ENOPH1: variants seen among roughly 807,000 people sequenced by gnomAD.
ENOPH1 encodes enolase-phosphatase 1.
ENOPH1 carries 14 observed loss-of-function variants against 31.1 expected under a neutral mutation model. The ratio of observed to expected loss-of-function variants is 0.45; its 90% CI spans 0.30 to 0.70. The LOEUF (loss-of-function observed/expected upper bound fraction) is 0.70. ENOPH1 is among the 30% of genes least tolerant of loss of function. The probability of loss-of-function intolerance (pLI) is 0.09; values close to 1 mark genes in which losing one functional copy is unlikely to be tolerated. For synonymous variants in ENOPH1, 127 were observed against 123.2 expected (o/e 1.03, Z -0.21); for missense variants, 243 against 321.5 (o/e 0.76, Z 1.87).
intron 1 of ENOPH1, among the ~76,000 whole-genome samples, chr4:82,436,283 T>C (rs767665570): frequency 1.3e-5 from 2 of 152,204 alleles, no homozygotes; most frequent in Non-Finnish European, 2.9e-5. Flanking sequence ...CTTAGGGCAG[T>C]GTTTCCCAGC....
intron 1 of ENOPH1, among the ~76,000 whole-genome samples, chr4:82,446,689 C>CTTT (rs1175624219): frequency 7.1e-4 from 48 of 67,506 alleles, no homozygotes; most frequent in Non-Finnish European, 1.2e-3. Context: ...GTGACGGAAT[C>CTTT]TTTTTTTTTT....
chr4:82,439,804 G>A (rs1560463574), intron 1 of ENOPH1, among the ~76,000 whole-genome samples: 1 of 152,156 alleles, frequency 6.6e-6, no homozygotes. Context: ...GAGCTGATGG[G>A]ATTTGCTGAT....
intron 1 of ENOPH1, among the ~76,000 whole-genome samples, chr4:82,440,696 A>G (rs927447515): frequency 6.6e-6 from 1 of 152,212 alleles, no homozygotes; most frequent in African/African-American, 2.4e-5. Context: ...TCTTGTACTG[A>G]TAACAATCCC....
chr4:82,431,302 C>T (rs115894273), intron 1 of ENOPH1, among the ~76,000 whole-genome samples: 1,736 of 152,250 alleles, frequency 0.011, 30 homozygotes, highest in African/African-American at 0.039. Context: ...GTGGCAGCGG[C>T]AGCGATTTAA....
chr4:82,461,108 T>G lies in ENOPH1; in HGVS notation c.*988T>G, dbSNP rs1274915056. 6.6e-6 allele frequency: 1 copy of G among 152,228 alleles called. No individual in the cohort carries two copies. The highest frequency in any genetic ancestry group is 1.5e-5 in the Non-Finnish European group (1 of 68,036). The allele number at this position is 152,228 out of a possible 1,614,324, so 9.4% of individuals were successfully genotyped here. On this transcript the variant is annotated 3_prime_UTR_variant, in exon 6 of 6. Transcript: ENST00000273920. ...CTTCACTCAGTTTTATATAGGTTCC[T>G]GAACTCTATCCACATGCCGCCATAG...
chr4:82,454,596 TCAGG>T, intron 3 of ENOPH1, 122 bp from the exon 4 acceptor site: 1 of 1,031,012 alleles, frequency 9.7e-7, no homozygotes, highest in Non-Finnish European at 1.4e-6. Flanking sequence ...GTTTGTAGTC[TCAGG>T]GAGCTGCTTC....
intron 1 of ENOPH1, among the ~76,000 whole-genome samples, chr4:82,444,155 G>A (rs1029755339): frequency 3.9e-5 from 6 of 152,132 alleles, no homozygotes; most frequent in East Asian, 1.9e-4. Flanking sequence ...GATTACAGGC[G>A]TGGGCCACGG....
Position 82,442,998 on chromosome 4 carries a change from G to C in ENOPH1, c.85-4922G>C, listed in dbSNP as rs7656508. ...AAGTTTTTGTTTTTAGTAGAGAGGG[G>C]GTTTCACCATGTTGGCCAGGCTGAT... On this transcript the variant is annotated intron_variant, in intron 1 of 5. Coordinates refer to ENST00000273920, the MANE Select transcript of ENOPH1 (RefSeq NM_021204.5). 2.6e-5 allele frequency among the ~76,000 whole-genome samples: 4 copies of C among 152,026 alleles called. No homozygotes were observed. In the East Asian group the frequency reaches 7.8e-4, roughly 30 times the overall value.
chr4:82,432,121 G>T (rs1429114850), intron 1 of ENOPH1, among the ~76,000 whole-genome samples: 2 of 152,086 alleles, frequency 1.3e-5, no homozygotes, highest in Non-Finnish European at 2.9e-5. Flanking sequence ...TCGCCATATT[G>T]CCCAGGCTAG....
intron 2 of ENOPH1, 74 bp downstream of exon 2, chr4:82,448,095 A>G: frequency 3.9e-6 from 4 of 1,030,966 alleles, no homozygotes; most frequent in Middle Eastern, 4.2e-4. Flanking sequence ...ACATGCTCTG[A>G]GCATTTTGTA....
At chr4:82,451,696 T>C (rs1722356863) in intron 3 of ENOPH1, among the ~76,000 whole-genome samples, 1 of 152,230 alleles carries the variant, frequency 6.6e-6, no homozygotes, top group South Asian at 2.1e-4. Context: ...CTTTGCTCTT[T>C]TGAGCAACTT....
At chr4:82,438,261 G>T (rs1721958569) in intron 1 of ENOPH1, among the ~76,000 whole-genome samples, 1 of 152,178 alleles carries the variant, frequency 6.6e-6, no homozygotes, top group African/African-American at 2.4e-5. Context: ...CTGCCATCCA[G>T]AGGTGACCAT....
At chr4:82,456,858 C>A in intron 4 of ENOPH1, 57 bp from the exon 5 acceptor site, 1 of 1,590,966 alleles carries the variant, frequency 6.3e-7, no homozygotes, top group Non-Finnish European at 8.6e-7. Context: ...CAGAGAAAGG[C>A]ATGAGGGGCA....
chr4:82,435,653 A>T (rs1033642091), intron 1 of ENOPH1, among the ~76,000 whole-genome samples: 1 of 152,208 alleles, frequency 6.6e-6, no homozygotes, highest in East Asian at 1.9e-4. Flanking sequence ...ACTTTGGTTA[A>T]ACATCCATTT....
At chr4:82,436,578 T>G (rs1236833942) in intron 1 of ENOPH1, among the ~76,000 whole-genome samples, 1 of 151,232 alleles carries the variant, frequency 6.6e-6, no homozygotes, top group African/African-American at 2.4e-5. Context: ...TCCCAGCTAC[T>G]CAGGAGGCTG....
In ENOPH1 at chr4:82,430,902, G is replaced by A; in HGVS notation, c.73G>A (p.Ala25Thr). 1 of 1,614,150 alleles carries A rather than the reference G, an allele frequency of 6.2e-7. No homozygotes were observed. Among genetic ancestry groups the A allele is most frequent in the East Asian group, 2.2e-5 (1 of 44,886 alleles). Residue 25 changes from alanine to threonine, a missense_variant, in exon 1 of 6, where the codon GCT (alanine) becomes ACT (threonine). Ala to Thr is a moderately conservative substitution (Grantham distance 58). Coordinates refer to ENST00000273920, the MANE Select transcript of ENOPH1 (RefSeq NM_021204.5). ...LDIEGTTTPIAFVKDILFPYI... is the reference protein window; with the variant it reads ...LDIEGTTTPITFVKDILFPYI... ...TATCGAAGGTACCACAACCCCGATTGCTTTCGTGAAGGTGAGGGGCGGAAG... is the reference window on the plus strand; with the variant it reads ...TATCGAAGGTACCACAACCCCGATTACTTTCGTGAAGGTGAGGGGCGGAAG...
At chr4:82,444,704 G>A (rs957112718) in intron 1 of ENOPH1, among the ~76,000 whole-genome samples, 1 of 152,138 alleles carries the variant, frequency 6.6e-6, no homozygotes, top group Non-Finnish European at 1.5e-5. Context: ...AGTATCCTCT[G>A]TAACATCTAA....
At chr4:82,432,916 C>A (rs921085538) in intron 1 of ENOPH1, among the ~76,000 whole-genome samples, 7 of 152,224 alleles carry the variant, frequency 4.6e-5, no homozygotes, top group African/African-American at 1.7e-4. Flanking sequence ...GACCTTCCCC[C>A]ACGTTTTTAA....
chr4:82,454,207 C>T (rs1722424950), intron 3 of ENOPH1, among the ~76,000 whole-genome samples: 1 of 152,030 alleles, frequency 6.6e-6, no homozygotes, highest in Non-Finnish European at 1.5e-5. Flanking sequence ...GAGCAAGACC[C>T]TGTCTCAAAA....
Sources: gnomAD v4.1 joint callset for allele counts (sites outside exome capture counted in the v4.1 genomes callset) on GRCh38, gnomAD v4.1.1 for gene constraint, MANE v1.5 for transcripts, NCBI Gene and HGNC (gene_info 2026-07-23, HGNC 2026-07-21) for gene names.